Variants in ZNF248 observed in about 807,000 individuals in gnomAD.
ZNF248 encodes zinc finger protein 248.
In ZNF248, 20 loss-of-function variants were observed where a neutral mutation model predicts 44.3. The ratio of observed to expected loss-of-function variants is 0.45; its 90% CI spans 0.32 to 0.66. The LOEUF is 0.66. ZNF248 is among the 30% of genes least tolerant of loss of function. The pLI is 0.04. For synonymous variants in ZNF248, 224 were observed against 229.0 expected (o/e 0.98, Z 0.20); for missense variants, 654 against 677.0 (o/e 0.97, Z 0.38).
intron 6 of ZNF248, among the ~76,000 whole-genome samples, chr10:37,811,601 G>T (rs1342469546): frequency 6.7e-6 from 1 of 150,368 alleles, no homozygotes; most frequent in Non-Finnish European, 1.5e-5. Flanking sequence ...TTGGGAGGCA[G>T]AAGTGGACAG....
chr10:37,802,293 C>A (rs1248804961), intron 6 of ZNF248, among the ~76,000 whole-genome samples: 1 of 152,116 alleles, frequency 6.6e-6, no homozygotes, highest in Non-Finnish European at 1.5e-5. Flanking sequence ...AGAATGAGAT[C>A]CTGTGCAACC....
chr10:37,759,205 T>C, the ZNF248 span, among the ~76,000 whole-genome samples: 9 of 152,180 alleles, frequency 5.9e-5, no homozygotes, highest in African/African-American at 9.7e-5. Flanking sequence ...TAAAAAAGTA[T>C]AATAAATTTA....
intron 5 of ZNF248, among the ~76,000 whole-genome samples, chr10:37,836,983 G>A (rs559413533): frequency 1.3e-4 from 19 of 150,954 alleles, no homozygotes; most frequent in Non-Finnish European, 2.4e-4. Context: ...ACGGAAGGAA[G>A]GCAAACAATT....
chr10:37,773,312 G>C (rs757442037), downstream of ZNF248, among the ~76,000 whole-genome samples: 26 of 152,126 alleles, frequency 1.7e-4, no homozygotes, highest in Non-Finnish European at 2.9e-4. Context: ...AGACATTGGA[G>C]ATTATTAGTA....
intron 6 of ZNF248, among the ~76,000 whole-genome samples, chr10:37,804,153 G>A (rs1213193247): frequency 3.6e-5 from 5 of 137,264 alleles, no homozygotes; most frequent in Non-Finnish European, 7.6e-5. Context: ...CACCCAGGCT[G>A]GAGTGCAGTG....
chr10:37,846,669 G>C (rs12248857), intron 3 of ZNF248, among the ~76,000 whole-genome samples: 4,180 of 152,080 alleles, frequency 0.027, 141 homozygotes, highest in African/African-American at 0.082. Context: ...ACAACAAACC[G>C]AGAGGACAAT....
chr10:37,825,396 A>G (rs1347637507), downstream of ZNF248, among the ~76,000 whole-genome samples: 1 of 152,184 alleles, frequency 6.6e-6, no homozygotes, highest in African/African-American at 2.4e-5. Flanking sequence ...TAACAAAAAA[A>G]AGAACAGCAC....
chr10:37,761,182 C>G, the ZNF248 span, among the ~76,000 whole-genome samples: 1 of 152,206 alleles, frequency 6.6e-6, no homozygotes, highest in Admixed American at 6.5e-5. Flanking sequence ...CAAAAACCCA[C>G]AGACTCTTAT....
At chr10:37,772,422 C>T (rs1400620385), downstream of ZNF248, among the ~76,000 whole-genome samples, 1 of 152,142 alleles carries the variant, frequency 6.6e-6, no homozygotes, top group Non-Finnish European at 1.5e-5. Context: ...TGCTGAACTC[C>T]AAGTGGGCAG....
At chr10:37,762,028 T>C in the ZNF248 span, among the ~76,000 whole-genome samples, 3 of 152,202 alleles carry the variant, frequency 2.0e-5, no homozygotes, top group African/African-American at 7.2e-5. Flanking sequence ...ATGAAATCTG[T>C]TAATCATTAT....
intron 6 of ZNF248, among the ~76,000 whole-genome samples, chr10:37,806,930 T>C (rs1187589203): frequency 6.6e-6 from 1 of 152,112 alleles, no homozygotes; most frequent in Non-Finnish European, 1.5e-5. Flanking sequence ...AACATGGTGT[T>C]AGGTAAAAAT....
chr10:37,856,189 T>G, intron 3 of ZNF248, 107 bp downstream of exon 3: 1 of 1,273,032 alleles, frequency 7.9e-7, no homozygotes, highest in South Asian at 1.5e-5. Flanking sequence ...TTTCCCTTAA[T>G]GTCAATTTTT....
intron 6 of ZNF248, among the ~76,000 whole-genome samples, chr10:37,788,004 C>G (rs1475933592): frequency 6.6e-6 from 1 of 152,104 alleles, no homozygotes; most frequent in African/African-American, 2.4e-5. Context: ...CATGGTGGCT[C>G]AAGTCTGTAA....
At chr10:37,784,121 G>C (rs1228652745) in intron 6 of ZNF248, 3 of 152,380 alleles carry the variant, frequency 2.0e-5, no homozygotes, top group African/African-American at 7.2e-5. Flanking sequence ...GCCTCCCAAA[G>C]AGGTGTCTAT....
At chr10:37,813,540 G>T (rs2051904959) in intron 6 of ZNF248, among the ~76,000 whole-genome samples, 1 of 152,092 alleles carries the variant, frequency 6.6e-6, no homozygotes, top group Non-Finnish European at 1.5e-5. Context: ...CAATGAGGAT[G>T]AAGACCTTAA....
downstream of ZNF248, among the ~76,000 whole-genome samples, chr10:37,774,454 G>T (rs555099231): frequency 3.3e-5 from 5 of 152,264 alleles, no homozygotes; most frequent in East Asian, 9.7e-4. Flanking sequence ...CTTTGATATG[G>T]TTAAAAATCT....
chr10:37,766,794 G>C, the ZNF248 span, among the ~76,000 whole-genome samples: 35 of 152,304 alleles, frequency 2.3e-4, no homozygotes, highest in African/African-American at 6.5e-4. Flanking sequence ...GACGAGCTGA[G>C]AGAAGAAGGC....
Position 37,856,651 on chromosome 10 carries a change from C to T in ZNF248, c.-125-119G>A, listed in dbSNP as rs928329390. On this transcript the variant is annotated intron_variant, in intron 1 of 5. Transcript: ENST00000395867. ...TTGTAGGGAAAAAAAAAAACTGAGG[C>T]CATATTGTTTATCTGTTTACCTGTT... is the stretch of plus-strand genomic sequence containing the variant. The T allele has an allele frequency of 2.9e-6, 3 of 1,031,490 alleles. No individual in the cohort carries two copies. In the African/African-American group the frequency reaches 5.1e-5, roughly 18 times the overall value. The allele number at this position is 1,031,490 out of a possible 1,614,324, so 63.9% of individuals were successfully genotyped here. A position where few individuals can be genotyped will look rare whatever the true frequency, so the allele number is the denominator to read the frequency against.
chr10:37,819,998 A>G, intron 6 of ZNF248: 1 of 773,350 alleles, frequency 1.3e-6, no homozygotes, highest in Non-Finnish European at 2.4e-6. Flanking sequence ...TTATCTCTAC[A>G]TGCCATCTTC....
Sources: gnomAD v4.1 joint callset for allele counts (sites outside exome capture counted in the v4.1 genomes callset) on GRCh38, gnomAD v4.1.1 for gene constraint, MANE v1.5 for transcripts, NCBI Gene and HGNC (gene_info 2026-07-23, HGNC 2026-07-21) for gene names.